SQLE: variants seen among roughly 807,000 people sequenced by gnomAD.
The protein encoded by SQLE is squalene epoxidase.
A neutral mutation model predicts 60.7 loss-of-function variants in SQLE; 29 were observed. The ratio of observed to expected loss-of-function variants is 0.48; its 90% CI spans 0.36 to 0.65. SQLE has a LOEUF of 0.65. SQLE is among the 30% of genes least tolerant of loss of function. The probability of loss-of-function intolerance (pLI) is 0.00; values close to 1 mark genes in which losing one functional copy is unlikely to be tolerated. For missense variants in SQLE, 605 were observed against 684.1 expected, an observed-to-expected ratio of 0.88 and a Z score of 1.29; for synonymous variants, 237 against 246.8, an observed-to-expected ratio of 0.96 and a Z score of 0.37.
intron 3 of SQLE, among the ~76,000 whole-genome samples, chr8:125,006,897 G>T (rs1296540902): frequency 6.6e-6 from 1 of 151,924 alleles, no homozygotes; most frequent in Non-Finnish European, 1.5e-5. Flanking sequence ...TAGAGACGGG[G>T]TTTCACCATG....
rs74320140 is a variant in SQLE at position 125,016,098 on chromosome 8, A to G, written c.1205-1961A>G. 0.028 allele frequency among the ~76,000 whole-genome samples: 4,239 copies of G among 152,214 alleles called. 121 individuals are homozygous for G. The highest frequency in any genetic ancestry group is 0.16 in the South Asian group (763 of 4,816). On this transcript the variant is annotated intron_variant, in intron 7 of 10. Coordinates refer to ENST00000265896, the MANE Select transcript of SQLE (RefSeq NM_003129.4). This position sits in a 1 kb window ranked among gnomAD's most constrained non-coding sequence, Gnocchi z 4.1. The stretch of plus-strand genomic sequence containing the variant: ...CTTGTTTGGATTAAATCAATCACCA[A>G]TCCTTGCTTGGTGTTCTGTAGCTTT...
intron 2 of SQLE, among the ~76,000 whole-genome samples, 195 bp from the exon 3 acceptor site, chr8:125,005,330 T>C (rs55670884): frequency 0.13 from 20,210 of 151,908 alleles, 1,452 homozygotes; most frequent in African/African-American, 0.17. Flanking sequence ...CTTTAAATGA[T>C]ATTACAGATT....
intron 1 of SQLE, among the ~76,000 whole-genome samples, chr8:125,001,978 CTGT>C (rs1157908192): frequency 5.3e-5 from 8 of 152,162 alleles, no homozygotes; most frequent in Admixed American, 3.9e-4. Flanking sequence ...CCACTGTGCA[CTGT>C]TGTTCTTAGT....
chr8:125,002,926 T>C (rs1412015793), intron 1 of SQLE, among the ~76,000 whole-genome samples: 2 of 152,220 alleles, frequency 1.3e-5, no homozygotes, highest in Non-Finnish European at 2.9e-5. Flanking sequence ...TTTCCAAATA[T>C]CATGTTTAGA....
chr8:125,009,544 C>T (rs1366737239), intron 6 of SQLE, among the ~76,000 whole-genome samples: 1 of 152,170 alleles, frequency 6.6e-6, no homozygotes, highest in East Asian at 1.9e-4. Context: ...GCCTGTAATC[C>T]CACCACTTTG....
At position 125,009,182 on chromosome 8, in the gene SQLE, A is replaced by T. The variant is rs377710136; in HGVS notation, c.947A>T (p.Gln316Leu). ...FVGFLMKNAP[Q>L]FKANHAELIL... ...TTTTATTTGTTTTAGAATGCACCAC[A>T]GTTTAAAGCAAATCATGCTGAACTT... The change falls in exon 6 of 11, where the codon CAG becomes CTG. Residue 316 changes from glutamine to leucine, a missense_variant. Physicochemically the swap from Gln to Leu is moderately radical, Grantham distance 113. Transcript: ENST00000265896. The T allele has an allele frequency of 8.1e-6, 13 of 1,601,306 alleles. No individual in the cohort carries two copies. Among genetic ancestry groups the T allele is most frequent in the African/African-American group, 1.3e-5 (1 of 74,252 alleles).
Position 125,018,341 on chromosome 8 carries a change from A to C in SQLE, c.1347+140A>C, listed in dbSNP as rs151123255. On this transcript the variant is annotated intron_variant, in intron 8 of 10. Coordinates refer to ENST00000265896, the MANE Select transcript of SQLE (RefSeq NM_003129.4). The stretch of plus-strand genomic sequence containing the variant: ...CTCTTAGGCATCTTGCTTAGGCTTA[A>C]AGAACCTGACTTGCAACCTGTGAAT... The C allele has an allele frequency of 1.6e-3, 1,430 of 888,396 alleles. 7 individuals carry two copies. In the African/African-American group the frequency reaches 0.021, roughly 13 times the overall value. 55.0% of individuals were successfully genotyped at this position (888,396 alleles called of 1,614,324 possible). A position where few individuals can be genotyped will look rare whatever the true frequency, so the allele number is the denominator to read the frequency against.
At chr8:125,020,003 G>C (rs1292747564) in intron 9 of SQLE, among the ~76,000 whole-genome samples, 1 of 151,992 alleles carries the variant, frequency 6.6e-6, no homozygotes, top group Non-Finnish European at 1.5e-5. Flanking sequence ...CAAATAAAAA[G>C]AACTAAGTTT....
chr8:125,005,411 C>T, intron 2 of SQLE, 114 bp from the exon 3 acceptor site: 1 of 926,216 alleles, frequency 1.1e-6, no homozygotes, highest in Non-Finnish European at 1.5e-6. Context: ...TTGTTCAGTT[C>T]TCCAGATTTG....
chr8:125,006,507 G>A lies in SQLE; in HGVS notation c.725+802G>A, dbSNP rs185352758. Among the ~76,000 whole-genome samples, 268 of 151,366 alleles carry A rather than the reference G, an allele frequency of 1.8e-3. 1 individual carries two copies. The highest frequency in any genetic ancestry group is 5.9e-3 in the African/African-American group (245 of 41,324). ...GTGGTAGCACGCACCTGCAGTCCCA[G>A]CTACTTGGGAGGCTAAGGCAGGAGA... On this transcript the variant is annotated intron_variant, in intron 3 of 10. Coordinates refer to ENST00000265896, the MANE Select transcript of SQLE (RefSeq NM_003129.4).
At chr8:125,013,138 A>G (rs2129898847) in intron 7 of SQLE, among the ~76,000 whole-genome samples, 1 of 152,238 alleles carries the variant, frequency 6.6e-6, no homozygotes, top group South Asian at 2.1e-4. Flanking sequence ...AGTCCTTTAT[A>G]TATTTTAGGT....
chr8:125,004,134 G>C (rs940967804), intron 2 of SQLE, among the ~76,000 whole-genome samples: 1 of 152,092 alleles, frequency 6.6e-6, no homozygotes, highest in Non-Finnish European at 1.5e-5. Context: ...ATATATACTA[G>C]AGTCCACTTT....
At chr8:125,018,476 A>G (rs1471983461) in intron 8 of SQLE, among the ~76,000 whole-genome samples, 155 bp from the exon 9 acceptor site, 1 of 152,194 alleles carries the variant, frequency 6.6e-6, no homozygotes, top group Non-Finnish European at 1.5e-5. Flanking sequence ...ATTGCTCTGA[A>G]GGTGATTTTT....
Position 125,012,065 on chromosome 8 carries a change from G to C in SQLE, c.1204+433G>C, listed in dbSNP as rs996166135. 5.3e-5 allele frequency among the ~76,000 whole-genome samples: 8 copies of C among 151,818 alleles called. 1 individual carries two copies. Among genetic ancestry groups the C allele is most frequent in the Admixed American group, 4.6e-4 (7 of 15,244 alleles). ...TGGAGGATGAGTGGGAGTTCATGAGGTGGACACTAAGATGAGGAACTTCTA... is the reference window on the plus strand; with the variant it reads ...TGGAGGATGAGTGGGAGTTCATGAGCTGGACACTAAGATGAGGAACTTCTA... On this transcript the variant is annotated intron_variant, in intron 7 of 10. Transcript: ENST00000265896.
chr8:125,004,848 TTTTA>T (rs1418753438), intron 2 of SQLE, among the ~76,000 whole-genome samples: 15 of 152,116 alleles, frequency 9.9e-5, no homozygotes, highest in Admixed American at 9.8e-4. Context: ...ATTGAAAGTT[TTTTA>T]TTTTTCAACT....
chr8:125,015,570 G>C (rs1011352609), intron 7 of SQLE, among the ~76,000 whole-genome samples: 2 of 152,096 alleles, frequency 1.3e-5, no homozygotes, highest in Admixed American at 1.3e-4. Context: ...GAAATTACCA[G>C]GAAGCTTGCA....
chr8:125,005,716 A>T lies in SQLE; in HGVS notation c.725+11A>T. 1 of 1,528,182 alleles carries T rather than the reference A, an allele frequency of 6.5e-7. No homozygotes were observed. The allele number at this position is 1,528,182 out of a possible 1,614,324, so 94.7% of individuals were successfully genotyped here. On this transcript the variant is annotated intron_variant, in intron 3 of 10. Transcript: ENST00000265896. Reference sequence around the variant, plus strand: ...TATGGCAGAGCCCAAGTAAGACCACAGTTTCAAATATATAATTACTAAAGA... The same window carrying T: ...TATGGCAGAGCCCAAGTAAGACCACTGTTTCAAATATATAATTACTAAAGA...
At chr8:125,015,545 G>A (rs1815097951) in intron 7 of SQLE, among the ~76,000 whole-genome samples, 1 of 152,016 alleles carries the variant, frequency 6.6e-6, no homozygotes, top group Admixed American at 6.5e-5. Flanking sequence ...CCTACCTCTT[G>A]TAGGCTTTTG....
chr8:125,002,003 T>G (rs1814863853), intron 1 of SQLE, among the ~76,000 whole-genome samples: 2 of 152,192 alleles, frequency 1.3e-5, no homozygotes, highest in South Asian at 4.1e-4. Context: ...GTCATAAATC[T>G]CTCAAAACAA....
Sources: allele counts gnomAD v4.1 joint callset (sites outside exome capture counted in the v4.1 genomes callset), GRCh38; gene constraint gnomAD v4.1.1; non-coding constraint Gnocchi (gnomAD v3.1); transcripts MANE v1.5; gene names NCBI Gene and HGNC (gene_info 2026-07-23, HGNC 2026-07-21).